PZP: variants seen among roughly 807,000 people sequenced by gnomAD.
PZP encodes pregnancy zone protein.
PZP carries 150 observed loss-of-function variants against 179.8 expected under a neutral mutation model. That is an observed-to-expected ratio of 0.83 (90% CI 0.73 to 0.96). PZP has a LOEUF of 0.96. Among genes scored for constraint, PZP ranks in the 40% least tolerant of loss-of-function variants. PZP has a pLI of 0.00. For synonymous variants in PZP, 624 were observed against 652.3 expected, an observed-to-expected ratio of 0.96 and a Z score of 0.66; for missense variants, 1,689 against 1,764.0, an observed-to-expected ratio of 0.96 and a Z score of 0.76.
At chr12:9,202,444 C>T (rs191677051) in intron 3 of PZP, 73 bp from the exon 4 acceptor site, 20 of 1,611,912 alleles carry the variant, frequency 1.2e-5, no homozygotes, top group Middle Eastern at 1.7e-4. Flanking sequence ...CAGGAGGCTA[C>T]GGGGCTAGGA....
chr12:9,181,193 C>A (rs906240637), intron 14 of PZP, 61 bp from the exon 15 acceptor site: 89 of 1,604,712 alleles, frequency 5.5e-5, no homozygotes, highest in Non-Finnish European at 6.6e-5. Flanking sequence ...CTTGCAGTCA[C>A]CTGCATTTCC....
At chr12:9,144,343 C>G (rs1460236270), downstream of PZP, among the ~76,000 whole-genome samples, 1 of 152,152 alleles carries the variant, frequency 6.6e-6, no homozygotes, top group Non-Finnish European at 1.5e-5. Context: ...TCACAGTTCC[C>G]TTCAGGTTAG....
downstream of PZP, among the ~76,000 whole-genome samples, chr12:9,148,113 T>C (rs754190917): frequency 1.4e-4 from 21 of 152,212 alleles, no homozygotes; most frequent in Non-Finnish European, 2.8e-4. Flanking sequence ...TAGAAATTAT[T>C]TTAAGCAGAA....
In PZP at chr12:9,161,049, A is replaced by G; in HGVS notation, c.2856T>C (p.Ala952=). 6.3e-7 allele frequency: 1 copy of G among 1,595,102 alleles called. No homozygotes were observed. The highest frequency in any genetic ancestry group is 1.7e-4 in the Middle Eastern group (1 of 6,028). ...GTGACTCACCCAGAACTGAGAAAGA[A>G]GCTCTGGCAGATTCTTTGACCACAT... ...PSNVVKESAR[A]SFSVLGDILG... Residue 952 remains alanine (A), a synonymous_variant, in exon 23 of 36, where the codon GCT becomes GCC. Coordinates refer to ENST00000261336, the MANE Select transcript of PZP (RefSeq NM_002864.3).
In PZP at chr12:9,200,812, C is replaced by T. The variant is rs879136099; in HGVS notation, c.670+80G>A. 37 of 1,424,756 alleles carry T rather than the reference C, an allele frequency of 2.6e-5. 1 individual carries two copies. Among genetic ancestry groups the T allele is most frequent in the Non-Finnish European group, 3.2e-5 (34 of 1,047,768 alleles). The allele number at this position is 1,424,756 out of a possible 1,614,324, so 88.3% of individuals were successfully genotyped here. A position where few individuals can be genotyped will look rare whatever the true frequency, so the allele number is the denominator to read the frequency against. On this transcript the variant is annotated intron_variant, in intron 6 of 35. Transcript: ENST00000261336. ...CTCTACTGCAAGTTCAACATATCTA[C>T]AGGAAATTCAAAGGATCTAAGTGAG...
intron 30 of PZP, 43 bp from the exon 31 acceptor site, chr12:9,152,994 G>T (rs1442981218): frequency 6.2e-7 from 1 of 1,613,072 alleles, no homozygotes; most frequent in South Asian, 1.1e-5. Context: ...TCTTTTTCTG[G>T]ACCCCTCACT....
At chr12:9,171,198 G>A (rs911254196) in intron 15 of PZP, among the ~76,000 whole-genome samples, 23 of 152,124 alleles carry the variant, frequency 1.5e-4, no homozygotes, top group Admixed American at 5.9e-4. Context: ...ATACTTCCAC[G>A]TACGGGAGAA....
At position 9,206,152 on chromosome 12, in the gene PZP, G is replaced by A. The variant is rs138335226; in HGVS notation, c.83+2107C>T. ...GGATGCTTCTGATCTCCTGATCACT[G>A]CTCTTTTAACAGCATAATAAATAAT... On this transcript the variant is annotated intron_variant, in intron 1 of 35. Coordinates refer to ENST00000261336, the MANE Select transcript of PZP (RefSeq NM_002864.3). Among the ~76,000 whole-genome samples, 82 of 151,990 alleles carry A rather than the reference G, an allele frequency of 5.4e-4. No homozygotes were observed. The East Asian group carries it at 0.014, about 25-fold the overall frequency.
At chr12:9,200,526 A>T (rs1944094901) in intron 6 of PZP, 78 bp from the exon 7 acceptor site, 15 of 1,169,386 alleles carry the variant, frequency 1.3e-5, no homozygotes, top group Non-Finnish European at 1.9e-5. Flanking sequence ...TATGTCTATA[A>T]TTTTTCCCAA....
At chr12:9,193,606 T>C (rs7298246) in intron 11 of PZP, among the ~76,000 whole-genome samples, 147,016 of 152,264 alleles carry the variant, frequency 0.97, 71,208 homozygotes, top group East Asian at 1. Context: ...TGTTATTTAT[T>C]GACACTGAAA....
chr12:9,200,326 C>G (rs146506863), intron 7 of PZP, 38 bp downstream of exon 7: 3 of 1,469,582 alleles, frequency 2.0e-6, no homozygotes, highest in African/African-American at 2.8e-5. Context: ...AAAATTGAGG[C>G]AAAATATAAA....
chr12:9,150,484 A>G (rs551762403), intron 34 of PZP, among the ~76,000 whole-genome samples, 160 bp downstream of exon 34: 1 of 152,108 alleles, frequency 6.6e-6, no homozygotes, highest in Non-Finnish European at 1.5e-5. Flanking sequence ...GGGTTTTGCT[A>G]TGTTGGCCAG....
At chr12:9,184,424 G>A (rs1328188934) in intron 13 of PZP, among the ~76,000 whole-genome samples, 6 of 152,172 alleles carry the variant, frequency 3.9e-5, no homozygotes, top group Non-Finnish European at 4.4e-5. Context: ...TAACACCACC[G>A]TCAGTGCAAA....
rs1387037402 is a variant in PZP, at chr12:9,202,312, T to C, written c.480+7A>G. 3.7e-6 allele frequency: 6 copies of C among 1,611,222 alleles called. No individual in the cohort carries two copies. The highest frequency in any genetic ancestry group is 1.6e-4 in the Middle Eastern group (1 of 6,074). ...CACAACCCAAACCACAGATAGTGGA[T>C]GCTTACCAGTTCATTTCGAGGGCGA... On this transcript the variant is annotated splice_region_variant and intron_variant, in intron 4 of 35. Coordinates refer to ENST00000261336, the MANE Select transcript of PZP (RefSeq NM_002864.3).
chr12:9,158,642 C>T, intron 25 of PZP, 66 bp from the exon 26 acceptor site: 2 of 1,509,256 alleles, frequency 1.3e-6, no homozygotes, highest in East Asian at 2.3e-5. Context: ...CTGTTTTGTA[C>T]ACACAGGCTC....
intron 32 of PZP, among the ~76,000 whole-genome samples, chr12:9,151,874 C>T (rs750245588): frequency 1.3e-5 from 2 of 152,138 alleles, no homozygotes; most frequent in African/African-American, 2.4e-5. Flanking sequence ...TTTTAGTTCA[C>T]GTTGATTTTT....
At chr12:9,193,994 A>C in intron 11 of PZP, 83 bp downstream of exon 11, 1 of 1,277,812 alleles carries the variant, frequency 7.8e-7, no homozygotes, top group Non-Finnish European at 1.1e-6. Flanking sequence ...CTTACTCTTA[A>C]ATGCAATCTG....
intron 7 of PZP, among the ~76,000 whole-genome samples, chr12:9,197,963 T>C (rs1943929476): frequency 7.4e-6 from 1 of 134,680 alleles, no homozygotes; most frequent in South Asian, 2.1e-4. Flanking sequence ...CATATTTATA[T>C]ATTATATATT....
rs773193736 is a variant in PZP at position 9,181,986 on chromosome 12, G to A, written c.1678C>T (p.Leu560=). Residue 560 remains leucine, a synonymous_variant, in exon 14 of 36, where the codon CTA becomes TTA. Transcript: ENST00000261336. Reference sequence around the variant, plus strand: ...GTTAAATCGCTCACCTTGTTGGCTAGACAGTTTTCAATCTCAAATTTTTCA... The same window carrying A: ...GTTAAATCGCTCACCTTGTTGGCTAAACAGTTTTCAATCTCAAATTTTTCA... ...DSEKFEIENC[L]ANKVDLSFSP... is the part of the protein sequence containing the mutation. 1.9e-6 allele frequency: 3 copies of A among 1,613,536 alleles called. No homozygotes were observed. In the South Asian group the frequency reaches 3.3e-5, roughly 18 times the overall value.
Sources: allele counts gnomAD v4.1 joint callset (sites outside exome capture counted in the v4.1 genomes callset), GRCh38; gene constraint gnomAD v4.1.1; transcripts MANE v1.5; gene names NCBI Gene and HGNC (gene_info 2026-07-23, HGNC 2026-07-21).